The following MTMR14 variants were observed in gnomAD, a reference collection of about 807,000 sequenced individuals.
MTMR14 encodes phosphatidylinositol-3,5-bisphosphate 3-phosphatase MTMR14.
MTMR14 carries 48 observed loss-of-function variants against 86.3 expected under a neutral mutation model. The ratio of observed to expected loss-of-function variants is 0.56; its 90% CI spans 0.44 to 0.71. The LOEUF (loss-of-function observed/expected upper bound fraction) is 0.71, where lower values mean the gene tolerates loss of function less well. Among genes scored for constraint, MTMR14 ranks in the 30% least tolerant of loss-of-function variants. The probability of loss-of-function intolerance (pLI) is 0.00; values close to 1 mark genes in which losing one functional copy is unlikely to be tolerated. For missense variants in MTMR14, 780 were observed against 834.6 expected (o/e 0.93, Z 0.81); for synonymous variants, 366 against 326.1 (o/e 1.12, Z -1.32).
Position 9,675,719 on chromosome 3 carries a change from G to T in MTMR14, c.752-1598G>T, listed in dbSNP as rs759055063. ...CCTGAGTAGAGTCTATTTTAATTCT[G>T]TTTCTCACAAAAACTGCTTCTGCAT... is the stretch of plus-strand genomic sequence containing the variant. On this transcript the variant is annotated intron_variant, in intron 7 of 18. Transcript: ENST00000296003. 5.7e-5 allele frequency: 26 copies of T among 456,688 alleles called. 1 individual carries two copies. Among genetic ancestry groups the T allele is most frequent in the Non-Finnish European group, 2.2e-5 (5 of 226,894 alleles). 28.3% of individuals were successfully genotyped at this position (456,688 alleles called of 1,614,324 possible).
chr3:9,649,524 G>A lies in MTMR14; in HGVS notation c.-60G>A. On this transcript the variant is annotated 5_prime_UTR_variant, in exon 1 of 19. Transcript: ENST00000296003. ...TTCCGGAGGTTCTAGTGTCGGAGTT[G>A]GGTGCAGGCAGGTGCCATGGGCCCG... The A allele has an allele frequency of 1.3e-6, 2 of 1,494,032 alleles. No homozygotes were observed. The highest frequency in any genetic ancestry group is 1.8e-6 in the Non-Finnish European group (2 of 1,124,776). 92.5% of individuals were successfully genotyped at this position (1,494,032 alleles called of 1,614,324 possible). A position where few individuals can be genotyped will look rare whatever the true frequency, so the allele number is the denominator to read the frequency against.
chr3:9,650,899 C>T (rs544297031), intron 1 of MTMR14, among the ~76,000 whole-genome samples: 1 of 152,006 alleles, frequency 6.6e-6, no homozygotes, highest in African/African-American at 2.4e-5. Flanking sequence ...GCAATTCTCC[C>T]TGCCTCAACT....
At chr3:9,698,733 A>C (rs1232819469) in intron 18 of MTMR14, among the ~76,000 whole-genome samples, 1 of 152,176 alleles carries the variant, frequency 6.6e-6, no homozygotes. Context: ...TCAGACCTTG[A>C]AATTCCAGGA....
intron 2 of MTMR14, among the ~76,000 whole-genome samples, chr3:9,654,635 C>G (rs1194515631): frequency 6.6e-6 from 1 of 152,174 alleles, no homozygotes; most frequent in Non-Finnish European, 1.5e-5. Flanking sequence ...TTTCAGGAGC[C>G]GTTGTCAGCA....
chr3:9,681,385 C>T (rs1575030184), intron 9 of MTMR14, among the ~76,000 whole-genome samples: 3 of 152,172 alleles, frequency 2.0e-5, no homozygotes, highest in African/African-American at 4.8e-5. Context: ...CCTCCTAGTC[C>T]CTGAACACTA....
chr3:9,669,364 G>A (rs2048441281), intron 4 of MTMR14, 68 bp from the exon 5 acceptor site: 3 of 1,542,566 alleles, frequency 1.9e-6, no homozygotes, highest in Middle Eastern at 1.9e-4. Flanking sequence ...AAGGAGGCTG[G>A]TGAGGAGGCC....
Position 9,702,279 on chromosome 3 carries a change from TCA to T in MTMR14, c.*309_*310del, listed in dbSNP as rs2076484059. 6.4e-6 allele frequency: 3 copies of T among 469,712 alleles called. No individual in the cohort carries two copies. The highest frequency in any genetic ancestry group is 8.4e-5 in the East Asian group (2 of 23,924). The allele number at this position is 469,712 out of a possible 1,614,324, so 29.1% of individuals were successfully genotyped here. ...CTGGGGCCTTGTGGAAGCCATGACT[TCA>T]CAAAGACCCTACCTGTCAGTTCTTG... On this transcript the variant is annotated 3_prime_UTR_variant, in exon 19 of 19. Transcript: ENST00000296003.
chr3:9,662,449 C>CT (rs1315466223), intron 3 of MTMR14, 74 bp downstream of exon 3: 7 of 1,249,422 alleles, frequency 5.6e-6, no homozygotes, highest in Non-Finnish European at 8.2e-6. Flanking sequence ...AGTATAGGGT[C>CT]TTTTTTTCCC....
At chr3:9,667,309 C>T (rs1290072412) in intron 3 of MTMR14, among the ~76,000 whole-genome samples, 3 of 152,150 alleles carry the variant, frequency 2.0e-5, no homozygotes, top group African/African-American at 7.2e-5. Context: ...TGGAAGCATC[C>T]ACTTTACTCC....
intron 14 of MTMR14, 132 bp from the exon 15 acceptor site, chr3:9,688,564 C>A: frequency 1.0e-6 from 1 of 996,558 alleles, no homozygotes; most frequent in South Asian, 1.4e-5. Flanking sequence ...TATAACACTC[C>A]CTAGGCTAGG....
chr3:9,672,762 G>A lies in MTMR14; in HGVS notation c.751+4G>A, dbSNP rs2048640916. 1.2e-6 allele frequency: 2 copies of A among 1,614,058 alleles called. No homozygotes were observed. The highest frequency in any genetic ancestry group is 2.2e-5 in the East Asian group (1 of 44,888). On this transcript the variant is annotated splice_donor_region_variant and intron_variant, in intron 7 of 18. Coordinates refer to ENST00000296003, the MANE Select transcript of MTMR14 (RefSeq NM_001077525.3). ...CTCCTCTCCATCCCGTATCCAGGTA[G>A]GGGGCTCTCTTCTAGTGGCAGGCAT...
chr3:9,694,396 C>T (rs930632274), intron 17 of MTMR14, among the ~76,000 whole-genome samples: 2 of 152,132 alleles, frequency 1.3e-5, no homozygotes, highest in African/African-American at 4.8e-5. Context: ...TAATCCAGCA[C>T]TTTGGGAGGC....
intron 1 of MTMR14, chr3:9,650,465 A>T (rs6790534): frequency 0.011 from 4,867 of 441,872 alleles, 198 homozygotes; most frequent in African/African-American, 0.089. Context: ...TTTAGCACCA[A>T]GTTTTCCAGT....
intron 18 of MTMR14, among the ~76,000 whole-genome samples, chr3:9,698,650 G>A (rs2076357717): frequency 2.0e-5 from 3 of 152,202 alleles, no homozygotes; most frequent in African/African-American, 7.2e-5. Context: ...TGGCAGGTGG[G>A]AGGCAGGGTG....
At position 9,683,254 on chromosome 3, in the gene MTMR14, T is replaced by C. The variant is rs750719681; in HGVS notation, c.964+10T>C. 1.9e-6 allele frequency: 3 copies of C among 1,613,954 alleles called. No homozygotes were observed. Among genetic ancestry groups the C allele is most frequent in the Non-Finnish European group, 2.5e-6 (3 of 1,179,824 alleles). On this transcript the variant is annotated intron_variant, in intron 10 of 18. Coordinates refer to ENST00000296003, the MANE Select transcript of MTMR14 (RefSeq NM_001077525.3). ...TTAGTTAACAGTGATGGTGAGTCTGTCTCCTCCAGAGCCCTCGAGCCACTG... is the reference window on the plus strand; with the variant it reads ...TTAGTTAACAGTGATGGTGAGTCTGCCTCCTCCAGAGCCCTCGAGCCACTG...
At chr3:9,681,964 G>A (rs1277432478) in intron 9 of MTMR14, among the ~76,000 whole-genome samples, 1 of 152,092 alleles carries the variant, frequency 6.6e-6, no homozygotes, top group African/African-American at 2.4e-5. Flanking sequence ...CATGGTGGCT[G>A]GCATTCCGCA....
At chr3:9,664,686 G>A (rs1200892703) in intron 3 of MTMR14, among the ~76,000 whole-genome samples, 3 of 152,078 alleles carry the variant, frequency 2.0e-5, no homozygotes, top group Admixed American at 6.6e-5. Context: ...TTATTTGAAA[G>A]CTAAAAAAAT....
chr3:9,699,220 G>C (rs1045975128), intron 18 of MTMR14, among the ~76,000 whole-genome samples: 1 of 150,696 alleles, frequency 6.6e-6, no homozygotes, highest in African/African-American at 2.4e-5. Flanking sequence ...TCCTACTCCA[G>C]CCCCATTTGC....
At position 9,678,037 on chromosome 3, in the gene MTMR14, C is replaced by A. The variant is rs766450229; in HGVS notation, c.876C>A (p.Asn292Lys). ...SIPDFLTHSL[N>K]IDWSQYQCWD... ...CCGACTTCCTGACTCACTCTCTGAA[C>A]ATTGACTGGAGCCAGTATCAGGTGA... is the stretch of plus-strand genomic sequence containing the variant. The change falls in exon 9 of 19, where the codon AAC (asparagine) becomes AAA (lysine). Residue 292 changes from asparagine to lysine, a missense_variant. By Grantham distance (94) the Asn-to-Lys change is moderately conservative. Transcript: ENST00000296003. 6.2e-7 allele frequency: 1 copy of A among 1,614,122 alleles called. No individual in the cohort carries two copies. Among genetic ancestry groups the A allele is most frequent in the Admixed American group, 1.7e-5 (1 of 60,012 alleles).
Sources: gnomAD v4.1 joint callset for allele counts (sites outside exome capture counted in the v4.1 genomes callset) on GRCh38, gnomAD v4.1.1 for gene constraint, MANE v1.5 for transcripts, NCBI Gene and HGNC (gene_info 2026-07-23, HGNC 2026-07-21) for gene names.